Variants in SMARCAL1 observed in about 807,000 individuals in gnomAD.
SMARCAL1 encodes SNF2 related chromatin remodeling annealing helicase 1, also known as ATP-driven annealing helicase.
In SMARCAL1, 58 loss-of-function variants were observed where a neutral mutation model predicts 94.5. That is an observed-to-expected ratio of 0.61 (90% confidence interval 0.50 to 0.76). The LOEUF is 0.76. SMARCAL1 is among the 30% of genes least tolerant of loss of function. The pLI, the probability that SMARCAL1 is intolerant of heterozygous loss-of-function variation, is 0.00. For synonymous variants in SMARCAL1, 422 were observed against 455.1 expected (o/e 0.93, Z 0.93); for missense variants, 1,051 against 1,177.9 (o/e 0.89, Z 1.58).
chr2:216,413,095 C>G, intron 1 of SMARCAL1, among the ~76,000 whole-genome samples: 1 of 135,178 alleles, frequency 7.4e-6, no homozygotes, highest in Admixed American at 9.0e-5. Context: ...CCCTTCCTAA[C>G]TGCTAATGGT....
chr2:216,413,469 AAATT>A (rs1174442488), intron 1 of SMARCAL1, among the ~76,000 whole-genome samples: 1 of 152,222 alleles, frequency 6.6e-6, no homozygotes, highest in African/African-American at 2.4e-5. Context: ...ACTTTATAAT[AAATT>A]CTTATATCTC....
chr2:216,426,240 CAT>C (rs1012764495), intron 6 of SMARCAL1, among the ~76,000 whole-genome samples: 110 of 152,328 alleles, frequency 7.2e-4, no homozygotes, highest in African/African-American at 2.3e-3. Context: ...GAAACACACA[CAT>C]GTTAGCTATA....
At chr2:216,444,703 G>A (rs1425982794) in intron 10 of SMARCAL1, among the ~76,000 whole-genome samples, 1 of 152,124 alleles carries the variant, frequency 6.6e-6, no homozygotes, top group Admixed American at 6.5e-5. Flanking sequence ...TTTTAGTAGA[G>A]GCAGGGTTTC....
At chr2:216,446,225 G>A (rs1358844657) in intron 10 of SMARCAL1, among the ~76,000 whole-genome samples, 1 of 152,126 alleles carries the variant, frequency 6.6e-6, no homozygotes, top group African/African-American at 2.4e-5. Flanking sequence ...CTTGGAATCT[G>A]TCATTGCTGT....
intron 10 of SMARCAL1, among the ~76,000 whole-genome samples, chr2:216,440,032 ACT>A (rs1219627079): frequency 7.2e-6 from 1 of 138,230 alleles, no homozygotes; most frequent in African/African-American, 3.0e-5. Context: ...ACAGAGTGAG[ACT>A]CTGTCTCAAA....
At chr2:216,469,246 C>G (rs1374463354) in intron 14 of SMARCAL1, among the ~76,000 whole-genome samples, 1 of 148,560 alleles carries the variant, frequency 6.7e-6, no homozygotes, top group Non-Finnish European at 1.5e-5. Context: ...TATCCTGCAA[C>G]TTACTTTTTT....
At chr2:216,455,227 C>G (rs1022872908) in intron 12 of SMARCAL1, among the ~76,000 whole-genome samples, 1 of 151,954 alleles carries the variant, frequency 6.6e-6, no homozygotes, top group African/African-American at 2.4e-5. Context: ...TGGAGCCCAC[C>G]GCAGCTCAAG....
rs1695131526 is a variant in SMARCAL1, at chr2:216,478,306, C to T, written c.2625+7C>T. The stretch of plus-strand genomic sequence containing the variant: ...CACTGATTACCTCTACAAGGTAATG[C>T]CAGCACATGGCTCTTCACCCCTGGA... On this transcript the variant is annotated splice_region_variant and intron_variant, in intron 17 of 17. Transcript: ENST00000357276. 6.3e-7 allele frequency: 1 copy of T among 1,595,524 alleles called. No individual in the cohort carries two copies. Among genetic ancestry groups the T allele is most frequent in the African/African-American group, 1.3e-5 (1 of 74,528 alleles).
intron 12 of SMARCAL1, among the ~76,000 whole-genome samples, chr2:216,451,970 G>C (rs528870959): frequency 6.6e-6 from 1 of 152,272 alleles, no homozygotes; most frequent in Non-Finnish European, 1.5e-5. Context: ...AGAATGACAA[G>C]AGACAGAATG....
chr2:216,449,712 A>T (rs1694401440), intron 11 of SMARCAL1, among the ~76,000 whole-genome samples: 1 of 152,140 alleles, frequency 6.6e-6, no homozygotes, highest in Non-Finnish European at 1.5e-5. Flanking sequence ...ATCAGCCAGG[A>T]GGGGAGATGA....
chr2:216,476,585 T>G (rs151166528), intron 15 of SMARCAL1, among the ~76,000 whole-genome samples: 2,260 of 152,300 alleles, frequency 0.015, 67 homozygotes, highest in African/African-American at 0.052. Context: ...AGTGCTGGGA[T>G]TACAGGCGTG....
chr2:216,438,520 T>A, intron 10 of SMARCAL1, 35 bp downstream of exon 10: 1 of 1,581,560 alleles, frequency 6.3e-7, no homozygotes, highest in African/African-American at 1.3e-5. Flanking sequence ...CACTGAGCAT[T>A]GGCATCCCAT....
chr2:216,425,430 G>C (rs546249697), intron 6 of SMARCAL1, among the ~76,000 whole-genome samples: 86 of 152,320 alleles, frequency 5.6e-4, no homozygotes, highest in African/African-American at 2.0e-3. Flanking sequence ...GAGCCCTAAG[G>C]GGGTGTTACA....
rs58921802 is a variant in SMARCAL1, at chr2:216,474,861, A to G, written c.2245-408A>G. Among the ~76,000 whole-genome samples the G allele has an allele frequency of 8.9e-3, 1,352 of 152,264 alleles. 25 individuals carry two copies. The highest frequency in any genetic ancestry group is 0.03 in the African/African-American group (1,247 of 41,536). On this transcript the variant is annotated intron_variant, in intron 14 of 17. Coordinates refer to ENST00000357276, the MANE Select transcript of SMARCAL1 (RefSeq NM_014140.4). ...GGAGGGAGGTAAAAGGATCCTTGCA[A>G]TGTTGGAGTTGTTGAGTATCTTAAC...
rs1158402015 is a variant in SMARCAL1, at chr2:216,475,653, C to G, written c.2427+202C>G. Among the ~76,000 whole-genome samples the G allele has an allele frequency of 1.3e-5, 2 of 151,904 alleles. No individual in the cohort carries two copies. Among genetic ancestry groups the G allele is most frequent in the Non-Finnish European group, 2.9e-5 (2 of 67,984 alleles). ...CTTTTTTTGAGACAGAGTCTCTTAT[C>G]ACCCAGGCTGGAGTGCAGTGGCATG... is the stretch of plus-strand genomic sequence containing the variant. On this transcript the variant is annotated intron_variant, in intron 15 of 17. Transcript: ENST00000357276. This position sits in a 1 kb window ranked among gnomAD's most constrained non-coding sequence, Gnocchi z 4.4.
Position 216,450,868 on chromosome 2 carries a change from CAGGTT to C in SMARCAL1, c.1875_1879del (p.Gly626LeufsTer64), listed in dbSNP as rs1694435141. 5 of 1,613,964 alleles carry C rather than the reference CAGGTT, an allele frequency of 3.1e-6. No individual in the cohort carries two copies. The highest frequency in any genetic ancestry group is 1.3e-5 in the African/African-American group (1 of 74,916). On this transcript the variant is annotated frameshift_variant, in exon 12 of 18. Transcript: ENST00000357276. LOFTEE classifies it high-confidence loss of function. ...CAGATGCCTTGGGGGTGGGACTACTCAGGTTCCTCCAACCTGGGAGAGCTGAAGCT... is the reference window on the plus strand; with the variant it reads ...CAGATGCCTTGGGGGTGGGACTACTCCCTCCAACCTGGGAGAGCTGAAGCT...
At chr2:216,453,359 G>T (rs1694491470) in intron 12 of SMARCAL1, among the ~76,000 whole-genome samples, 1 of 152,200 alleles carries the variant, frequency 6.6e-6, no homozygotes, top group South Asian at 2.1e-4. Context: ...AATTCCTTAA[G>T]AACTTGATGC....
chr2:216,455,068 C>T lies in SMARCAL1; in HGVS notation c.2070+4004C>T, dbSNP rs774157984. On this transcript the variant is annotated intron_variant, in intron 12 of 17. Coordinates refer to ENST00000357276, the MANE Select transcript of SMARCAL1 (RefSeq NM_014140.4). ...AGGAGATTGTATCCCGTGCCTGGCT[C>T]GCATGGTCCCACGCCCACGGAGGCT... 2.6e-4 allele frequency among the ~76,000 whole-genome samples: 39 copies of T among 152,248 alleles called. 1 individual carries two copies. The highest frequency in any genetic ancestry group is 5.1e-4 in the Non-Finnish European group (35 of 68,044).
intron 14 of SMARCAL1, among the ~76,000 whole-genome samples, chr2:216,473,060 A>G (rs284526): frequency 0.62 from 94,325 of 152,000 alleles, 30,287 homozygotes; most frequent in East Asian, 0.8. Context: ...AACTGCACAT[A>G]ATGTGTACAA....
Sources: allele counts gnomAD v4.1 joint callset (sites outside exome capture counted in the v4.1 genomes callset), GRCh38; gene constraint gnomAD v4.1.1; non-coding constraint Gnocchi (gnomAD v3.1); transcripts MANE v1.5; gene names NCBI Gene and HGNC (gene_info 2026-07-23, HGNC 2026-07-21).